The following ARID3A variants were observed in gnomAD, a reference collection of about 807,000 sequenced individuals.
The protein encoded by ARID3A is AT-rich interactive domain-containing protein 3A.
In ARID3A, 11 loss-of-function variants were observed where a neutral mutation model predicts 52.7. The observed-to-expected ratio is 0.21, with a 90% confidence interval of 0.13 to 0.35. The LOEUF is 0.35. Ranked by LOEUF, ARID3A falls within the 10% of genes least tolerant of loss-of-function variation. The pLI, the probability that ARID3A is intolerant of heterozygous loss-of-function variation, is 1.00. For missense variants in ARID3A, 721 were observed against 838.5 expected (o/e 0.86, Z 1.73); for synonymous variants, 404 against 359.4 (o/e 1.12, Z -1.40).
At position 959,749 on chromosome 19, in the gene ARID3A, C is replaced by A. The variant is rs888483994; in HGVS notation, c.694-343C>A. On this transcript the variant is annotated intron_variant, in intron 3 of 8. Transcript: ENST00000263620. The surrounding 1 kb of genome is among the most constrained non-coding windows in gnomAD (Gnocchi z 5.0). ...AGACGGGGAGACGGTCTTGTGGAGA[C>A]GGAGGCAGAGACTGGAGCGCTGCGG... Among the ~76,000 whole-genome samples the A allele has an allele frequency of 6.6e-6, 1 of 152,058 alleles. No individual in the cohort carries two copies. The highest frequency in any genetic ancestry group is 2.4e-5 in the African/African-American group (1 of 41,374).
chr19:953,580 C>T (rs903254946), intron 3 of ARID3A, among the ~76,000 whole-genome samples: 1 of 152,154 alleles, frequency 6.6e-6, no homozygotes, highest in African/African-American at 2.4e-5. Flanking sequence ...TGTAACGGGG[C>T]TCGGGCGTGC....
chr19:929,292 C>G lies in ARID3A; in HGVS notation c.-237C>G. On this transcript the variant is annotated 5_prime_UTR_variant, in exon 2 of 9. Transcript: ENST00000263620. The surrounding 1 kb of genome is among the most constrained non-coding windows in gnomAD (Gnocchi z 6.2). ...TGCAAATGCGTGAATGAGCCGGATGCCAGCCTCTGTCCCCTGGAGCCCAGC... is the reference window on the plus strand; with the variant it reads ...TGCAAATGCGTGAATGAGCCGGATGGCAGCCTCTGTCCCCTGGAGCCCAGC... 1 of 385,802 alleles carries G rather than the reference C, an allele frequency of 2.6e-6. No individual in the cohort carries two copies. The highest frequency in any genetic ancestry group is 3.9e-6 in the Non-Finnish European group (1 of 253,244). The allele number at this position is 385,802 out of a possible 1,614,324, so 23.9% of individuals were successfully genotyped here.
Position 942,290 on chromosome 19 carries a change from C to G in ARID3A, c.693+9548C>G, listed in dbSNP as rs1411625768. ...CCCTTCGATGGCCCAAATTACCTGA[C>G]TGTCGATCCTGACTGGGGCGGTGGC... On this transcript the variant is annotated intron_variant, in intron 3 of 8. Transcript: ENST00000263620. The surrounding 1 kb of genome is among the most constrained non-coding windows in gnomAD (Gnocchi z 8.1). 6.6e-6 allele frequency among the ~76,000 whole-genome samples: 1 copy of G among 152,224 alleles called. No individual in the cohort carries two copies. Among genetic ancestry groups the G allele is most frequent in the Non-Finnish European group, 1.5e-5 (1 of 68,028 alleles).
chr19:932,874 C>T, intron 3 of ARID3A, 132 bp downstream of exon 3: 1 of 1,469,642 alleles, frequency 6.8e-7, no homozygotes, highest in African/African-American at 1.5e-5. Flanking sequence ...CCTGCGGTAG[C>T]TGTGCTTCCT....
intron 7 of ARID3A, among the ~76,000 whole-genome samples, chr19:967,304 A>G (rs1474515353): frequency 6.6e-6 from 1 of 152,194 alleles, no homozygotes; most frequent in African/African-American, 2.4e-5. Context: ...ACCGTGGCTC[A>G]TGCCTATAAT....
Position 972,887 on chromosome 19 carries a change from G to C in ARID3A, c.*822G>C, listed in dbSNP as rs191145827. 243 of 193,424 alleles carry C rather than the reference G, an allele frequency of 1.3e-3. 2 individuals are homozygous for C. The highest frequency in any genetic ancestry group is 5.6e-3 in the African/African-American group (236 of 42,434). 12.0% of individuals were successfully genotyped at this position (193,424 alleles called of 1,614,324 possible). A position where few individuals can be genotyped will look rare whatever the true frequency, so the allele number is the denominator to read the frequency against. On this transcript the variant is annotated 3_prime_UTR_variant, in exon 9 of 9. Coordinates refer to ENST00000263620, the MANE Select transcript of ARID3A (RefSeq NM_005224.3). ...TGGGTCCCTTTGTCCATTTCTGGGG[G>C]TGCGTTGGGCAGCTGTGAGCCCAGC...
At chr19:952,851 C>T (rs758448347) in intron 3 of ARID3A, among the ~76,000 whole-genome samples, 1 of 152,170 alleles carries the variant, frequency 6.6e-6, no homozygotes, top group Non-Finnish European at 1.5e-5. Flanking sequence ...CTGGGCCCCC[C>T]GCAGCTGCTG....
At chr19:955,694 G>T (rs1244332628) in intron 3 of ARID3A, among the ~76,000 whole-genome samples, 8 of 151,860 alleles carry the variant, frequency 5.3e-5, no homozygotes, top group Non-Finnish European at 1.2e-4. Flanking sequence ...TTTCTTGTAG[G>T]GGCTGTGCCA....
At chr19:956,224 G>A (rs747912333) in intron 3 of ARID3A, among the ~76,000 whole-genome samples, 7 of 152,272 alleles carry the variant, frequency 4.6e-5, no homozygotes, top group Middle Eastern at 3.4e-3. Context: ...TGCCTCAGGC[G>A]TTTCCCTGGC....
At chr19:948,720 T>C (rs1479325362) in intron 3 of ARID3A, among the ~76,000 whole-genome samples, 1 of 146,844 alleles carries the variant, frequency 6.8e-6, no homozygotes, top group East Asian at 2.0e-4. Flanking sequence ...TTTTTTTTTT[T>C]TTTTTTTGAG....
rs2145479628 is a variant in ARID3A, at chr19:971,959, G to GCAA, written c.1678_1680dup (p.Asn560dup). On this transcript the variant is annotated inframe_insertion, in exon 9 of 9. Coordinates refer to ENST00000263620, the MANE Select transcript of ARID3A (RefSeq NM_005224.3). ...GGCGGCGGCGGCGGCGGCAGCAGCA[G>GCAA]CAACGCAGGCGGCCGGGGAGGAAAC... 2 of 1,601,392 alleles carry GCAA rather than the reference G, an allele frequency of 1.2e-6. No homozygotes were observed. Among genetic ancestry groups the GCAA allele is most frequent in the East Asian group, 2.3e-5 (1 of 43,252 alleles).
chr19:929,363 G>GGGCCCC lies in ARID3A; in HGVS notation c.-166_-165insGGCCCC. 4.6e-5 allele frequency: 12 copies of GGGCCCC among 259,262 alleles called. No homozygotes were observed. The highest frequency in any genetic ancestry group is 7.9e-5 in the Non-Finnish European group (12 of 151,228). The allele number at this position is 259,262 out of a possible 1,614,324, so 16.1% of individuals were successfully genotyped here. On this transcript the variant is annotated 5_prime_UTR_variant, in exon 2 of 9. Coordinates refer to ENST00000263620, the MANE Select transcript of ARID3A (RefSeq NM_005224.3). This position sits in a 1 kb window ranked among gnomAD's most constrained non-coding sequence, Gnocchi z 6.2. Reference sequence around the variant, plus strand: ...ATCAGCCTTCAGCTTGAGCCCGGCGGCCCCCGCCCCCGCCCCCTGCCACCC... The same window carrying GGGCCCC: ...ATCAGCCTTCAGCTTGAGCCCGGCGGGGCCCCCCCCCGCCCCCGCCCCCTGCCACCC...
intron 3 of ARID3A, among the ~76,000 whole-genome samples, chr19:951,285 G>C (rs1453516596): frequency 6.6e-6 from 1 of 151,258 alleles, no homozygotes; most frequent in Non-Finnish European, 1.5e-5. Context: ...GGCCAGGCGC[G>C]GTGGCTCATG....
intron 3 of ARID3A, among the ~76,000 whole-genome samples, chr19:936,237 G>A (rs1400873295): frequency 1.3e-5 from 2 of 152,226 alleles, no homozygotes; most frequent in Non-Finnish European, 2.9e-5. Context: ...TACTTCATAT[G>A]CCATACAATT....
Position 941,046 on chromosome 19 carries a change from G to A in ARID3A, c.693+8304G>A, listed in dbSNP as rs1335671396. Among the ~76,000 whole-genome samples, 4 of 152,014 alleles carry A rather than the reference G, an allele frequency of 2.6e-5. No homozygotes were observed. The highest frequency in any genetic ancestry group is 4.1e-4 in the South Asian group (2 of 4,834). ...ACCGCCTGGCCGTCGGGTCACCGCCGCGGGGTCACCGCCGCCGCGGCCTGG... is the reference window on the plus strand; with the variant it reads ...ACCGCCTGGCCGTCGGGTCACCGCCACGGGGTCACCGCCGCCGCGGCCTGG... On this transcript the variant is annotated intron_variant, in intron 3 of 8. Transcript: ENST00000263620. The surrounding 1 kb of genome is among the most constrained non-coding windows in gnomAD (Gnocchi z 6.9).
chr19:966,910 G>T, intron 7 of ARID3A, 42 bp downstream of exon 7: 1 of 1,556,312 alleles, frequency 6.4e-7, no homozygotes, highest in African/African-American at 1.4e-5. Flanking sequence ...TCCTGCGTGT[G>T]TCACACAGTG....
Position 973,104 on chromosome 19 carries a change from A to ATTTTTTTTTTTTTTTGTTTTTT in ARID3A, c.*1054_*1055insGTTTTTTTTTTTTTTTTTTTTT, listed in dbSNP as rs2038315395. ...GGGCTCTCGAGTCAGGGGCCTGGAA[A>ATTTTTTTTTTTTTTTGTTTTTT]TTTTTTTTTTTTTTTTTTTTTGAGA... On this transcript the variant is annotated 3_prime_UTR_variant, in exon 9 of 9. Coordinates refer to ENST00000263620, the MANE Select transcript of ARID3A (RefSeq NM_005224.3). 1 of 53,488 alleles carries ATTTTTTTTTTTTTTTGTTTTTT rather than the reference A, an allele frequency of 1.9e-5. No individual in the cohort carries two copies. Among genetic ancestry groups the ATTTTTTTTTTTTTTTGTTTTTT allele is most frequent in the African/African-American group, 7.0e-5 (1 of 14,224 alleles). The allele number at this position is 53,488 out of a possible 1,614,324, so 3.3% of individuals were successfully genotyped here.
At chr19:952,640 G>A (rs1403249827) in intron 3 of ARID3A, among the ~76,000 whole-genome samples, 6 of 152,138 alleles carry the variant, frequency 3.9e-5, no homozygotes, top group Admixed American at 1.3e-4. Context: ...GAGAGCGTCT[G>A]AAGGGCTGCA....
At chr19:932,276 G>A (rs368915658) in intron 2 of ARID3A, 142 bp from the exon 3 acceptor site, 59 of 1,451,018 alleles carry the variant, frequency 4.1e-5, no homozygotes, top group East Asian at 3.7e-4. Context: ...GCTCATGAGC[G>A]CTCTCTGCAG....
Sources: gnomAD v4.1 joint callset for allele counts (sites outside exome capture counted in the v4.1 genomes callset) on GRCh38, gnomAD v4.1.1 for gene constraint, Gnocchi (gnomAD v3.1) non-coding constraint, MANE v1.5 for transcripts, NCBI Gene and HGNC (gene_info 2026-07-23, HGNC 2026-07-21) for gene names.